The following SLC2A13 variants were observed in gnomAD, a reference collection of about 807,000 sequenced individuals.
The protein encoded by SLC2A13 is proton myo-inositol cotransporter.
In SLC2A13, 32 loss-of-function variants were observed where a neutral mutation model predicts 64.4. The observed-to-expected ratio is 0.50, with a 90% CI of 0.37 to 0.67. SLC2A13 has a LOEUF of 0.67. Among genes scored for constraint, SLC2A13 ranks in the 30% least tolerant of loss-of-function variants. The pLI is 0.00. For synonymous variants in SLC2A13, 338 were observed against 327.1 expected, an observed-to-expected ratio of 1.03 and a Z score of -0.36; for missense variants, 743 against 829.2, an observed-to-expected ratio of 0.90 and a Z score of 1.28.
chr12:39,860,071 G>T (rs1051766362), intron 6 of SLC2A13, among the ~76,000 whole-genome samples: 2 of 152,152 alleles, frequency 1.3e-5, no homozygotes, highest in Admixed American at 6.5e-5. Flanking sequence ...TTGTGTCGTT[G>T]GTTTCATATT....
intron 5 of SLC2A13, among the ~76,000 whole-genome samples, chr12:39,871,115 A>T (rs1304724203): frequency 6.6e-6 from 1 of 152,218 alleles, no homozygotes; most frequent in African/African-American, 2.4e-5. Flanking sequence ...GCAGCCATGT[A>T]AAATCAATGT....
chr12:40,048,602 A>C (rs912905349), intron 1 of SLC2A13, among the ~76,000 whole-genome samples: 7 of 152,200 alleles, frequency 4.6e-5, no homozygotes, highest in Non-Finnish European at 1.0e-4. Flanking sequence ...GTGAGAATAA[A>C]AAATTATCTT....
intron 3 of SLC2A13, among the ~76,000 whole-genome samples, chr12:39,987,580 A>G (rs545185831): frequency 2.5e-4 from 38 of 152,328 alleles, no homozygotes; most frequent in Middle Eastern, 6.8e-3. Context: ...AGTAATCAAC[A>G]GCATGTAGAA....
intron 4 of SLC2A13, among the ~76,000 whole-genome samples, chr12:39,877,768 C>G (rs941341778): frequency 2.6e-5 from 4 of 152,132 alleles, no homozygotes; most frequent in Non-Finnish European, 5.9e-5. Flanking sequence ...TCTTCTAAAC[C>G]TTTATGCAGT....
chr12:39,761,432 TG>T (rs1304882873), intron 9 of SLC2A13, among the ~76,000 whole-genome samples: 1 of 152,072 alleles, frequency 6.6e-6, no homozygotes, highest in Non-Finnish European at 1.5e-5. Context: ...AAATAATGTA[TG>T]TTATCATGCC....
At chr12:39,856,190 C>T (rs1415553159) in intron 6 of SLC2A13, among the ~76,000 whole-genome samples, 1 of 152,040 alleles carries the variant, frequency 6.6e-6, no homozygotes, top group Non-Finnish European at 1.5e-5. Context: ...TTAGTCAGCA[C>T]CATCTACCTT....
At chr12:40,020,224 G>C (rs1947689359) in intron 3 of SLC2A13, among the ~76,000 whole-genome samples, 1 of 152,196 alleles carries the variant, frequency 6.6e-6, no homozygotes, top group Admixed American at 6.5e-5. Context: ...ATGACATGGT[G>C]ATGTGGTTTG....
At chr12:39,965,408 T>C (rs1591957281) in intron 3 of SLC2A13, among the ~76,000 whole-genome samples, 2 of 152,160 alleles carry the variant, frequency 1.3e-5, no homozygotes, top group African/African-American at 4.8e-5. Context: ...TCTCCTCTTG[T>C]TACATTTAGC....
chr12:39,880,761 C>A (rs1049106754), intron 4 of SLC2A13, among the ~76,000 whole-genome samples: 4 of 152,188 alleles, frequency 2.6e-5, no homozygotes, highest in Admixed American at 2.6e-4. Context: ...CTCACTCTGG[C>A]TTCATACCTC....
chr12:39,996,454 T>A (rs990049101), intron 3 of SLC2A13, among the ~76,000 whole-genome samples: 83 of 152,320 alleles, frequency 5.4e-4, no homozygotes, highest in African/African-American at 1.9e-3. Context: ...GAAATTTGCA[T>A]AAGTAACGAG....
At chr12:40,102,725 C>A (rs977861944) in intron 1 of SLC2A13, among the ~76,000 whole-genome samples, 1 of 152,126 alleles carries the variant, frequency 6.6e-6, no homozygotes, top group African/African-American at 2.4e-5. Flanking sequence ...TAAAATTAAC[C>A]CAGATTGTGT....
At chr12:39,866,253 TTTTG>T (rs1327999145) in intron 5 of SLC2A13, among the ~76,000 whole-genome samples, 1 of 152,180 alleles carries the variant, frequency 6.6e-6, no homozygotes, top group Non-Finnish European at 1.5e-5. Context: ...GTTGAGATGT[TTTTG>T]TTTAAGACAT....
intron 3 of SLC2A13, among the ~76,000 whole-genome samples, chr12:39,956,737 T>G (rs758068619): frequency 2.6e-5 from 4 of 152,194 alleles, no homozygotes; most frequent in Non-Finnish European, 5.9e-5. Flanking sequence ...CTTGCTCTTA[T>G]TCTTCCCTTT....
chr12:39,897,276 C>T (rs11174182), intron 4 of SLC2A13, among the ~76,000 whole-genome samples: 3 of 152,108 alleles, frequency 2.0e-5, no homozygotes, highest in East Asian at 1.9e-4. Context: ...TTTAAAAGAA[C>T]GTGGTTATGC....
At chr12:40,056,697 G>A (rs1416877297) in intron 1 of SLC2A13, among the ~76,000 whole-genome samples, 1 of 152,154 alleles carries the variant, frequency 6.6e-6, no homozygotes, top group African/African-American at 2.4e-5. Flanking sequence ...TCAATGAAAT[G>A]CACAAGGAAT....
At position 39,802,771 on chromosome 12, in the gene SLC2A13, A is replaced by G. The variant is rs575555387; in HGVS notation, c.1445+27332T>C. Among the ~76,000 whole-genome samples the G allele has an allele frequency of 6.8e-4, 103 of 151,054 alleles. 3 individuals are homozygous for G. The East Asian group carries it at 0.015, about 22-fold the overall frequency. On this transcript the variant is annotated intron_variant, in intron 7 of 9. Transcript: ENST00000280871. ...GATATGAATATGTAACCATATATAG[A>G]TGTAGATATGGATATGTAACTATAT...
At chr12:39,845,565 G>A (rs1281545264) in intron 6 of SLC2A13, among the ~76,000 whole-genome samples, 1 of 152,106 alleles carries the variant, frequency 6.6e-6, no homozygotes, top group South Asian at 2.1e-4. Flanking sequence ...GGAGGACAAA[G>A]TGAGTTTTTA....
Position 40,069,444 on chromosome 12 carries a change from CAAGAAATATAA to C in SLC2A13, c.557-21245_557-21235del, listed in dbSNP as rs1450928991. Among the ~76,000 whole-genome samples, 6 of 151,794 alleles carry C rather than the reference CAAGAAATATAA, an allele frequency of 4.0e-5. No individual in the cohort carries two copies. The South Asian group carries it at 1.2e-3, about 32-fold the overall frequency. The stretch of plus-strand genomic sequence containing the variant: ...AAAACTATGTGCATCTTAAATATGT[CAAGAAATATAA>C]AAGAAATTAAGTCAGAGAAAAAAGA... On this transcript the variant is annotated intron_variant, in intron 1 of 9. Coordinates refer to ENST00000280871, the MANE Select transcript of SLC2A13 (RefSeq NM_052885.4).
intron 3 of SLC2A13, among the ~76,000 whole-genome samples, chr12:40,023,562 A>T (rs1033372372): frequency 4.6e-5 from 7 of 152,236 alleles, no homozygotes; most frequent in Admixed American, 2.6e-4. Flanking sequence ...CTGCCTTCAG[A>T]AGAATCCTGT....
Sources: gnomAD v4.1 joint callset for allele counts (sites outside exome capture counted in the v4.1 genomes callset) on GRCh38, gnomAD v4.1.1 for gene constraint, MANE v1.5 for transcripts, NCBI Gene and HGNC (gene_info 2026-07-23, HGNC 2026-07-21) for gene names.